TMTC3: variants seen among roughly 807,000 people sequenced by gnomAD.
TMTC3 encodes transmembrane O-mannosyltransferase targeting cadherins 3.
TMTC3 carries 52 observed loss-of-function variants against 92.2 expected under a neutral mutation model. The observed-to-expected ratio is 0.56, with a 90% CI of 0.45 to 0.71. The LOEUF (loss-of-function observed/expected upper bound fraction) is 0.71. Among genes scored for constraint, TMTC3 ranks in the 30% least tolerant of loss-of-function variants. The probability of loss-of-function intolerance (pLI) is 0.00; values close to 1 mark genes in which losing one functional copy is unlikely to be tolerated. For missense variants in TMTC3, 896 were observed against 1,057.1 expected (o/e 0.85, Z 2.11); for synonymous variants, 339 against 363.3 (o/e 0.93, Z 0.76).
rs944223282 is a variant in TMTC3 at position 88,192,654 on chromosome 12, A to G, written c.1757A>G (p.Tyr586Cys). 2 of 1,612,500 alleles carry G rather than the reference A, an allele frequency of 1.2e-6. No homozygotes were observed. Among genetic ancestry groups the G allele is most frequent in the African/African-American group, 2.7e-5 (2 of 74,884 alleles). The change falls in exon 13 of 14, where the codon TAT (tyrosine) becomes TGT (cysteine). Residue 586 changes from tyrosine (Y) to cysteine (C), a missense_variant. Coordinates refer to ENST00000266712, the MANE Select transcript of TMTC3 (RefSeq NM_181783.4). The stretch of plus-strand genomic sequence containing the variant: ...AAACCTCTTAAAGCAAAGGAAGCAT[A>G]TCTTAAAGCACTAGAGCTGGACAGA... ...MNKPLKAKEAYLKALELDRNN... is the reference protein window; with the variant it reads ...MNKPLKAKEACLKALELDRNN...
At chr12:88,175,369 A>AC (rs1200278319) in intron 9 of TMTC3, among the ~76,000 whole-genome samples, 2 of 152,332 alleles carry the variant, frequency 1.3e-5, no homozygotes, top group Admixed American at 1.3e-4. Context: ...GCTCTCCCTT[A>AC]CCAGTACCCC....
At chr12:88,174,008 C>G (rs1045257513) in intron 8 of TMTC3, among the ~76,000 whole-genome samples, 2 of 152,044 alleles carry the variant, frequency 1.3e-5, no homozygotes, top group Non-Finnish European at 2.9e-5. Context: ...AACACAGACT[C>G]AGAGACTATT....
intron 10 of TMTC3, among the ~76,000 whole-genome samples, chr12:88,181,787 G>A (rs1050375623): frequency 6.6e-6 from 1 of 152,190 alleles, no homozygotes; most frequent in African/African-American, 2.4e-5. Flanking sequence ...TCAGCTCTCT[G>A]AGTGCTGGTA....
At chr12:88,173,158 A>G in intron 8 of TMTC3, 1 of 1,107,190 alleles carries the variant, frequency 9.0e-7, no homozygotes, top group Non-Finnish European at 1.2e-6. Flanking sequence ...TGCTATCATC[A>G]CTATCTTCAT....
At chr12:88,155,197 A>G (rs958945464) in intron 4 of TMTC3, among the ~76,000 whole-genome samples, 1 of 152,178 alleles carries the variant, frequency 6.6e-6, no homozygotes, top group Admixed American at 6.5e-5. Flanking sequence ...TGGACTAAAG[A>G]GTCTGGTTTC....
Position 88,166,348 on chromosome 12 carries a change from T to C in TMTC3, c.816T>C (p.Ala272=). 1 of 1,613,796 alleles carries C rather than the reference T, an allele frequency of 6.2e-7. No homozygotes were observed. Among genetic ancestry groups the C allele is most frequent in the African/African-American group, 1.3e-5 (1 of 75,056 alleles). The change falls in exon 7 of 14, where the codon GCT becomes GCC. Residue 272 remains alanine, a synonymous_variant. Coordinates refer to ENST00000266712, the MANE Select transcript of TMTC3 (RefSeq NM_181783.4). The part of the protein sequence containing the change: ...PVFTRFDNPA[A]VSPTPTRQLT... ...TATACAGGTTTGATAACCCAGCTGC[T>C]GTAAGCCCAACTCCTACAAGGCAAC...
chr12:88,165,318 C>G (rs543602017), intron 6 of TMTC3, among the ~76,000 whole-genome samples: 1 of 151,656 alleles, frequency 6.6e-6, no homozygotes, highest in Non-Finnish European at 1.5e-5. Flanking sequence ...AACTAAATTC[C>G]GAATAGTGAA....
At chr12:88,163,777 T>C (rs929505117) in intron 6 of TMTC3, among the ~76,000 whole-genome samples, 1 of 152,142 alleles carries the variant, frequency 6.6e-6, no homozygotes, top group African/African-American at 2.4e-5. Flanking sequence ...TTAACTAATA[T>C]TGGCAGAAAC....
chr12:88,184,662 A>G (rs1415165053), intron 10 of TMTC3, among the ~76,000 whole-genome samples: 6 of 152,246 alleles, frequency 3.9e-5, no homozygotes, highest in East Asian at 3.8e-4. Flanking sequence ...GTGTCAAGAC[A>G]CTGTTTTAAG....
At chr12:88,149,467 G>T (rs907850495) in intron 2 of TMTC3, among the ~76,000 whole-genome samples, 3 of 152,064 alleles carry the variant, frequency 2.0e-5, no homozygotes, top group African/African-American at 4.8e-5. Context: ...ATTTCTGGGG[G>T]ATATTGATTT....
Position 88,196,749 on chromosome 12 carries a change from C to T in TMTC3, c.*1100C>T, listed in dbSNP as rs2041518076. ...ATAAAATATTTGAAGCTATTTTAAT[C>T]ATCAAGTATGGAAAACAAATTACTA... is the stretch of plus-strand genomic sequence containing the variant. On this transcript the variant is annotated 3_prime_UTR_variant, in exon 14 of 14. Coordinates refer to ENST00000266712, the MANE Select transcript of TMTC3 (RefSeq NM_181783.4). 2 of 151,738 alleles carry T rather than the reference C, an allele frequency of 1.3e-5. No homozygotes were observed. Among genetic ancestry groups the T allele is most frequent in the African/African-American group, 4.8e-5 (2 of 41,370 alleles). The allele number at this position is 151,738 out of a possible 1,614,324, so 9.4% of individuals were successfully genotyped here. A position where few individuals can be genotyped will look rare whatever the true frequency, so the allele number is the denominator to read the frequency against.
chr12:88,192,519 G>C, intron 12 of TMTC3, 85 bp from the exon 13 acceptor site: 1 of 941,456 alleles, frequency 1.1e-6, no homozygotes, highest in Non-Finnish European at 1.6e-6. Context: ...GCTGTATGTG[G>C]AAAGGCTTAA....
chr12:88,160,991 T>C, intron 6 of TMTC3, 140 bp downstream of exon 6: 1 of 821,172 alleles, frequency 1.2e-6, no homozygotes, highest in Non-Finnish European at 1.9e-6. Context: ...AAACTGCATA[T>C]ATTTAAAATT....
Position 88,142,891 on chromosome 12 carries a change from T to C in TMTC3, c.-29+404T>C, listed in dbSNP as rs533265941. ...CAAGGCTCTAGAGAGGAGAGGTTAG[T>C]ACTTGTCCGGACCACTGCCGGGGGT... On this transcript the variant is annotated intron_variant, in intron 1 of 13. Transcript: ENST00000266712. Among the ~76,000 whole-genome samples, 4 of 152,230 alleles carry C rather than the reference T, an allele frequency of 2.6e-5. No individual in the cohort carries two copies. In the South Asian group the frequency reaches 8.3e-4, roughly 32 times the overall value.
chr12:88,171,099 T>C (rs1399074744), intron 7 of TMTC3, among the ~76,000 whole-genome samples: 1 of 152,180 alleles, frequency 6.6e-6, no homozygotes, highest in Non-Finnish European at 1.5e-5. Context: ...AGTAGTCTGC[T>C]ATCTTGTCTG....
chr12:88,172,907 C>T, intron 8 of TMTC3, 162 bp downstream of exon 8: 1 of 1,505,464 alleles, frequency 6.6e-7, no homozygotes, highest in Non-Finnish European at 8.9e-7. Context: ...GTTAGGAAAG[C>T]TCCATGGCAC....
At chr12:88,158,028 G>A (rs1565945552) in intron 4 of TMTC3, among the ~76,000 whole-genome samples, 1 of 152,100 alleles carries the variant, frequency 6.6e-6, no homozygotes, top group Non-Finnish European at 1.5e-5. Context: ...CCATGTTAAA[G>A]TCTTGGTCTC....
chr12:88,156,874 T>C (rs908428936), intron 4 of TMTC3, among the ~76,000 whole-genome samples: 5 of 151,652 alleles, frequency 3.3e-5, no homozygotes, highest in African/African-American at 1.2e-4. Context: ...CTTACCTTTT[T>C]CTAGGGTTGA....
chr12:88,153,816 A>G (rs2040973841), intron 3 of TMTC3, among the ~76,000 whole-genome samples: 2 of 152,048 alleles, frequency 1.3e-5, no homozygotes, highest in Non-Finnish European at 2.9e-5. Flanking sequence ...AATGAACAAG[A>G]TTTCTAAGGA....
Sources: gnomAD v4.1 joint callset for allele counts (sites outside exome capture counted in the v4.1 genomes callset) on GRCh38, gnomAD v4.1.1 for gene constraint, MANE v1.5 for transcripts, NCBI Gene and HGNC (gene_info 2026-07-23, HGNC 2026-07-21) for gene names.